IPO11: variants seen among roughly 807,000 people sequenced by gnomAD.
IPO11 encodes importin-11.
IPO11 carries 66 observed loss-of-function variants against 143.2 expected under a neutral mutation model. That is an observed-to-expected ratio of 0.46 (90% CI 0.38 to 0.57). The LOEUF is 0.57. IPO11 is among the 20% of genes least tolerant of loss of function. The pLI, the probability that IPO11 is intolerant of heterozygous loss-of-function variation, is 0.00. For synonymous variants in IPO11, 385 were observed against 377.8 expected, an observed-to-expected ratio of 1.02 and a Z score of -0.22; for missense variants, 1,026 against 1,141.0, an observed-to-expected ratio of 0.90 and a Z score of 1.45.
intron 1 of IPO11, among the ~76,000 whole-genome samples, chr5:62,414,041 A>G (rs1002213839): frequency 2.8e-4 from 43 of 152,226 alleles, no homozygotes; most frequent in Non-Finnish European, 4.4e-4. Context: ...GCTTGTGGCC[A>G]TATATTATAG....
At position 62,591,582 on chromosome 5, in the gene IPO11, T is replaced by C; in HGVS notation, c.2588T>C (p.Ile863Thr). 6.3e-7 allele frequency: 1 copy of C among 1,590,500 alleles called. No homozygotes were observed. Among genetic ancestry groups the C allele is most frequent in the South Asian group, 1.1e-5 (1 of 87,052 alleles). Residue 863 changes from isoleucine (I) to threonine (T), a missense_variant, in exon 28 of 30, where the codon ATC becomes ACC. Ile to Thr is a moderately conservative substitution (Grantham distance 89, BLOSUM62 -1). Coordinates refer to ENST00000325324, the MANE Select transcript of IPO11 (RefSeq NM_016338.5). ...LSLLPSDNSV[I>T]QDKFCGIINI... is the part of the protein sequence containing the mutation. ...TTGCTTTTCTTTTATTCTAGTGTTATCCAAGATAAATTCTGTGGGATTATA... is the reference window on the plus strand; with the variant it reads ...TTGCTTTTCTTTTATTCTAGTGTTACCCAAGATAAATTCTGTGGGATTATA...
intron 21 of IPO11, 179 bp downstream of exon 21, chr5:62,526,436 G>T (rs999530066): frequency 4.6e-5 from 21 of 455,406 alleles, no homozygotes; most frequent in Admixed American, 2.2e-4. Context: ...TAGGATTATA[G>T]TAGACAAAGT....
At chr5:62,586,564 G>A (rs892001112) in intron 27 of IPO11, among the ~76,000 whole-genome samples, 4 of 151,072 alleles carry the variant, frequency 2.6e-5, no homozygotes, top group South Asian at 2.1e-4. Flanking sequence ...CCAGCCTGAC[G>A]GACATGAAGA....
At chr5:62,529,997 G>A (rs1186061409) in intron 21 of IPO11, among the ~76,000 whole-genome samples, 3 of 152,010 alleles carry the variant, frequency 2.0e-5, no homozygotes, top group Non-Finnish European at 4.4e-5. Flanking sequence ...CGGTCAGATT[G>A]GCTTATAATG....
chr5:62,604,277 C>T (rs1166789086), intron 29 of IPO11, among the ~76,000 whole-genome samples: 6 of 152,040 alleles, frequency 3.9e-5, no homozygotes, highest in Admixed American at 6.6e-5. Flanking sequence ...GGTATGATCT[C>T]GGCTCTCTGC....
intron 27 of IPO11, chr5:62,580,353 T>C (rs1265030562): frequency 1.3e-6 from 2 of 1,544,664 alleles, no homozygotes; most frequent in African/African-American, 2.7e-5. Context: ...TAATTTACCT[T>C]AAGTTAGATA....
chr5:62,467,011 T>G, intron 5 of IPO11, 120 bp from the exon 6 acceptor site: 1 of 906,832 alleles, frequency 1.1e-6, no homozygotes. Context: ...CTTTGACTAT[T>G]TCAGATCTCT....
At chr5:62,450,910 T>C (rs1304851776) in intron 4 of IPO11, among the ~76,000 whole-genome samples, 1 of 152,220 alleles carries the variant, frequency 6.6e-6, no homozygotes, top group Non-Finnish European at 1.5e-5. Flanking sequence ...AAGCACAATT[T>C]GGCAGTATTT....
intron 6 of IPO11, among the ~76,000 whole-genome samples, chr5:62,468,254 TTC>T (rs1745636693): frequency 1.3e-5 from 2 of 152,180 alleles, no homozygotes; most frequent in Non-Finnish European, 2.9e-5. Flanking sequence ...CAGCATCAGT[TTC>T]TCTCTTACTC....
At chr5:62,589,142 C>A (rs891192256) in intron 27 of IPO11, among the ~76,000 whole-genome samples, 6 of 152,076 alleles carry the variant, frequency 3.9e-5, no homozygotes, top group African/African-American at 1.4e-4. Flanking sequence ...CCCTTTGGCA[C>A]CTGTACTTTC....
intron 5 of IPO11, among the ~76,000 whole-genome samples, chr5:62,452,751 TGTG>T: frequency 6.8e-6 from 1 of 147,688 alleles, no homozygotes; most frequent in Non-Finnish European, 1.5e-5. Context: ...TGTGTGTGTG[TGTG>T]TGTGTGCACG....
intron 1 of IPO11, among the ~76,000 whole-genome samples, chr5:62,417,493 A>G (rs1260433115): frequency 2.0e-5 from 3 of 151,810 alleles, no homozygotes; most frequent in Non-Finnish European, 1.5e-5. Context: ...TTTTCTTCTT[A>G]TACTTCTGGG....
chr5:62,583,280 A>C (rs1281656014), intron 27 of IPO11, among the ~76,000 whole-genome samples: 1 of 152,194 alleles, frequency 6.6e-6, no homozygotes. Flanking sequence ...TACATAAGGT[A>C]GGCTGAAAAC....
At chr5:62,515,264 A>C (rs1413729974) in intron 19 of IPO11, 124 bp from the exon 20 acceptor site, 5 of 545,720 alleles carry the variant, frequency 9.2e-6, no homozygotes, top group Non-Finnish European at 1.6e-5. Flanking sequence ...AGCTTAATAC[A>C]TTACATCTAA....
rs1743433560 is a variant in IPO11 at position 62,419,784 on chromosome 5, T to G, written c.-7+6855T>G. ...TGAGGTGGGAGGATTGCTTGAGGTC[T>G]GGGGTTTGAAATCAGCCAGGGCAAC... On this transcript the variant is annotated intron_variant, in intron 1 of 29. Transcript: ENST00000325324. Among the ~76,000 whole-genome samples the G allele has an allele frequency of 2.0e-5, 3 of 152,178 alleles. No individual in the cohort carries two copies. In the South Asian group the frequency reaches 6.2e-4, roughly 32 times the overall value.
intron 3 of IPO11, among the ~76,000 whole-genome samples, chr5:62,445,622 T>C (rs1372755835): frequency 6.6e-6 from 1 of 152,212 alleles, no homozygotes; most frequent in Non-Finnish European, 1.5e-5. Context: ...CAGTACAGTG[T>C]TCAATAAATT....
At chr5:62,606,559 G>A (rs1011000205) in intron 29 of IPO11, among the ~76,000 whole-genome samples, 3 of 148,138 alleles carry the variant, frequency 2.0e-5, no homozygotes, top group Admixed American at 1.3e-4. Flanking sequence ...GTGTGCGGCC[G>A]GGTACGGTGG....
intron 5 of IPO11, among the ~76,000 whole-genome samples, chr5:62,452,248 A>AAAAAT (rs576253321): frequency 6.6e-6 from 1 of 150,380 alleles, no homozygotes; most frequent in African/African-American, 2.5e-5. Flanking sequence ...CCGTCTCAAA[A>AAAAAT]AAAATAAAAT....
At chr5:62,613,484 G>T (rs1427882052) in intron 29 of IPO11, among the ~76,000 whole-genome samples, 1 of 151,514 alleles carries the variant, frequency 6.6e-6, no homozygotes, top group African/African-American at 2.4e-5. Context: ...CATATTTTTT[G>T]TAGAGAAGAA....
Sources: gnomAD v4.1 joint callset for allele counts (sites outside exome capture counted in the v4.1 genomes callset) on GRCh38, gnomAD v4.1.1 for gene constraint, MANE v1.5 for transcripts, NCBI Gene and HGNC (gene_info 2026-07-23, HGNC 2026-07-21) for gene names.